COLEC11: variants seen among roughly 807,000 people sequenced by gnomAD.
The protein encoded by COLEC11 is collectin-11.
COLEC11 carries 20 observed loss-of-function variants against 27.3 expected under a neutral mutation model. The ratio of observed to expected loss-of-function variants is 0.73; its 90% CI spans 0.51 to 1.06. The LOEUF is 1.06. Ranked by LOEUF, COLEC11 falls within the 50% of genes least tolerant of loss-of-function variation. COLEC11 has a pLI of 0.00. For synonymous variants in COLEC11, 163 were observed against 154.7 expected (o/e 1.05, Z -0.40); for missense variants, 310 against 383.0 (o/e 0.81, Z 1.59).
rs1343761187 is a variant in COLEC11, at chr2:3,602,338, T to G, written c.-26-1977T>G. Among the ~76,000 whole-genome samples, 2 of 152,176 alleles carry G rather than the reference T, an allele frequency of 1.3e-5. No individual in the cohort carries two copies. The highest frequency in any genetic ancestry group is 1.9e-4 in the East Asian group (1 of 5,200). On this transcript the variant is annotated intron_variant, in intron 1 of 6. Transcript: ENST00000349077. This position sits in a 1 kb window ranked among gnomAD's most constrained non-coding sequence, Gnocchi z 6.2. ...CTATAGTGTCTCAGACTCGGAAAGT[T>G]GAACCCGAGCCCCTGACTTCACTTC...
chr2:3,625,284 C>A (rs1212855621), intron 3 of COLEC11, among the ~76,000 whole-genome samples: 2 of 152,058 alleles, frequency 1.3e-5, no homozygotes, highest in Non-Finnish European at 2.9e-5. Flanking sequence ...CATGCTCAAG[C>A]AGGCCTCAGG....
chr2:3,639,367 G>A (rs578141930), intron 4 of COLEC11, among the ~76,000 whole-genome samples: 3 of 152,322 alleles, frequency 2.0e-5, no homozygotes, highest in Admixed American at 1.3e-4. Flanking sequence ...GGCCTTGTTT[G>A]GCTTTGCTTA....
At chr2:3,633,208 A>G (rs1359936875) in intron 3 of COLEC11, among the ~76,000 whole-genome samples, 2 of 152,184 alleles carry the variant, frequency 1.3e-5, no homozygotes, top group Non-Finnish European at 2.9e-5. Flanking sequence ...CGGGATGGTG[A>G]GGCCCAGGAG....
At chr2:3,604,953 A>G (rs570853672) in intron 2 of COLEC11, 74 of 431,004 alleles carry the variant, frequency 1.7e-4, no homozygotes, top group African/African-American at 1.5e-3. Context: ...GGGGAAAAAA[A>G]AAAGACAGGA....
At chr2:3,623,736 A>G (rs188542298) in intron 3 of COLEC11, among the ~76,000 whole-genome samples, 77 of 151,884 alleles carry the variant, frequency 5.1e-4, no homozygotes, top group African/African-American at 1.7e-3. Flanking sequence ...TTGTGTGTCT[A>G]TGTTCTCTTG....
chr2:3,611,187 C>T (rs946762884), intron 2 of COLEC11, among the ~76,000 whole-genome samples: 10 of 111,236 alleles, frequency 9.0e-5, no homozygotes, highest in African/African-American at 1.4e-4. Context: ...CTCTCAACTT[C>T]GTAACTTCAA....
intron 3 of COLEC11, among the ~76,000 whole-genome samples, chr2:3,632,948 A>C (rs1665124336): frequency 6.6e-6 from 1 of 152,098 alleles, no homozygotes; most frequent in South Asian, 2.1e-4. Flanking sequence ...GTGGCCCTTC[A>C]CCTGAACAAA....
chr2:3,631,950 G>A (rs1024541493), intron 3 of COLEC11, among the ~76,000 whole-genome samples: 2 of 152,292 alleles, frequency 1.3e-5, no homozygotes, highest in Admixed American at 6.5e-5. Context: ...GGCTGTACCC[G>A]GGGTGGAAGT....
intron 3 of COLEC11, among the ~76,000 whole-genome samples, chr2:3,631,065 T>C (rs1558511417): frequency 6.6e-6 from 1 of 152,082 alleles, no homozygotes; most frequent in African/African-American, 2.4e-5. Flanking sequence ...ACCCCATCTC[T>C]ACTAAAAATA....
rs1481802484 is a variant in COLEC11, at chr2:3,616,852, T to G, written c.202+3470T>G. On this transcript the variant is annotated intron_variant, in intron 3 of 6. Transcript: ENST00000349077. ...GGGAGAGGACTGGAACATTCTTATT[T>G]CACTTAGCGTAATGCCCTCCAGGTT... 2.6e-5 allele frequency among the ~76,000 whole-genome samples: 4 copies of G among 152,120 alleles called. No individual in the cohort carries two copies. The South Asian group carries it at 8.3e-4, about 32-fold the overall frequency.
At chr2:3,608,311 C>G (rs908243640) in intron 2 of COLEC11, among the ~76,000 whole-genome samples, 4 of 152,168 alleles carry the variant, frequency 2.6e-5, no homozygotes, top group African/African-American at 9.7e-5. Flanking sequence ...TTAGCCTCTC[C>G]TGGTAGAGAA....
intron 3 of COLEC11, among the ~76,000 whole-genome samples, chr2:3,634,667 C>T (rs1056924290): frequency 5.3e-5 from 8 of 151,686 alleles, no homozygotes; most frequent in East Asian, 2.0e-4. Flanking sequence ...ACAGCAGGAA[C>T]GGGTACCTGG....
chr2:3,606,453 G>A (rs114063182), intron 2 of COLEC11, among the ~76,000 whole-genome samples: 1 of 152,192 alleles, frequency 6.6e-6, no homozygotes, highest in Non-Finnish European at 1.5e-5. Context: ...TGGGTCAGCC[G>A]TCCTGCGTGA....
intron 5 of COLEC11, chr2:3,641,345 C>A: frequency 7.7e-7 from 1 of 1,302,552 alleles, no homozygotes. Context: ...CACTGACTGG[C>A]CGAGCAGCAT....
intron 3 of COLEC11, among the ~76,000 whole-genome samples, chr2:3,636,982 C>T (rs902334171): frequency 1.3e-5 from 2 of 152,208 alleles, no homozygotes; most frequent in Admixed American, 6.5e-5. Context: ...TGCTGTAGAG[C>T]AGGTCAGGTC....
At chr2:3,633,619 G>A (rs62107247) in intron 3 of COLEC11, among the ~76,000 whole-genome samples, 2 of 152,162 alleles carry the variant, frequency 1.3e-5, no homozygotes. Flanking sequence ...ACAGAGCGGG[G>A]ACCACAGCTG....
chr2:3,596,414 G>A (rs2147835905), intron 1 of COLEC11, among the ~76,000 whole-genome samples: 1 of 143,928 alleles, frequency 6.9e-6, no homozygotes, highest in South Asian at 2.2e-4. Context: ...TTGGCTCACT[G>A]CAACCTCCGC....
At chr2:3,621,892 C>T (rs6542711) in intron 3 of COLEC11, among the ~76,000 whole-genome samples, 107,752 of 152,070 alleles carry the variant, frequency 0.71, 38,508 homozygotes, top group South Asian at 0.88. Flanking sequence ...ATTAACAAAT[C>T]ATTGGGCCAG....
chr2:3,611,134 T>C (rs17017737), intron 2 of COLEC11, among the ~76,000 whole-genome samples: 12,901 of 152,244 alleles, frequency 0.085, 923 homozygotes, highest in African/African-American at 0.2. Context: ...CTTTCCGGAA[T>C]TGCTGTCAGA....
Sources: allele counts gnomAD v4.1 joint callset (sites outside exome capture counted in the v4.1 genomes callset), GRCh38; gene constraint gnomAD v4.1.1; non-coding constraint Gnocchi (gnomAD v3.1); transcripts MANE v1.5; gene names NCBI Gene and HGNC (gene_info 2026-07-23, HGNC 2026-07-21).